MCTP1: variants seen among roughly 807,000 people sequenced by gnomAD.
MCTP1 encodes multiple C2 and transmembrane domain-containing protein 1.
MCTP1 carries 69 observed loss-of-function variants against 120.6 expected under a neutral mutation model. The observed-to-expected ratio is 0.57, with a 90% CI of 0.47 to 0.70. MCTP1 has a LOEUF of 0.70. MCTP1 is among the 30% of genes least tolerant of loss of function. The probability of loss-of-function intolerance (pLI) is 0.00; values close to 1 mark genes in which losing one functional copy is unlikely to be tolerated. For missense variants in MCTP1, 1,203 were observed against 1,248.8 expected (o/e 0.96, Z 0.55); for synonymous variants, 529 against 493.1 (o/e 1.07, Z -0.96).
At chr5:95,068,399 G>C (rs1483935329) in intron 1 of MCTP1, among the ~76,000 whole-genome samples, 1 of 152,112 alleles carries the variant, frequency 6.6e-6, no homozygotes, top group Non-Finnish European at 1.5e-5. Context: ...AGTAAACATA[G>C]GAATCTGATC....
intron 10 of MCTP1, 46 bp from the exon 11 acceptor site, chr5:94,894,881 TTG>T: frequency 7.7e-7 from 1 of 1,298,438 alleles, no homozygotes; most frequent in Non-Finnish European, 1.1e-6. Flanking sequence ...TTTTTTTTTT[TTG>T]CCATATCAAA....
chr5:95,076,397 A>G (rs1366380860), intron 1 of MCTP1, among the ~76,000 whole-genome samples: 1 of 152,180 alleles, frequency 6.6e-6, no homozygotes, highest in Middle Eastern at 3.4e-3. Flanking sequence ...TAAACTTAGA[A>G]GTAATTGTTT....
intron 1 of MCTP1, among the ~76,000 whole-genome samples, chr5:95,114,951 G>C (rs1006584608): frequency 1.2e-4 from 19 of 152,224 alleles, no homozygotes; most frequent in Admixed American, 1.2e-3. Context: ...ACTGTTTGGA[G>C]AAAGTAAGGA....
At chr5:94,872,746 C>T (rs759414821) in intron 13 of MCTP1, among the ~76,000 whole-genome samples, 3 of 152,006 alleles carry the variant, frequency 2.0e-5, no homozygotes, top group East Asian at 3.9e-4. Context: ...CTGCCGAATT[C>T]GAGACTGGAT....
intron 18 of MCTP1, chr5:94,793,589 G>T (rs1779416734): frequency 1.3e-5 from 2 of 152,234 alleles, no homozygotes; most frequent in Admixed American, 6.5e-5. Context: ...GGTCTATGCT[G>T]CTTTCAGTGA....
chr5:94,974,439 C>T (rs888183941), intron 2 of MCTP1, among the ~76,000 whole-genome samples: 11 of 152,028 alleles, frequency 7.2e-5, no homozygotes, highest in African/African-American at 2.7e-4. Context: ...GTCCCAGTTA[C>T]TTGGGACACT....
intron 18 of MCTP1, among the ~76,000 whole-genome samples, chr5:94,797,461 T>C (rs927738930): frequency 1.3e-5 from 2 of 152,206 alleles, no homozygotes; most frequent in Non-Finnish European, 2.9e-5. Flanking sequence ...AAGAGTCCTA[T>C]TTTCTTCCAG....
In MCTP1 at chr5:94,704,321, G is replaced by T. The variant is rs1318203011; in HGVS notation, c.*3175C>A. ...AGTATAATGGTAGCTGTCTTTACTTGTATTTCTGGAGCAAAAAGGTATAAC... is the reference window on the plus strand; with the variant it reads ...AGTATAATGGTAGCTGTCTTTACTTTTATTTCTGGAGCAAAAAGGTATAAC... On this transcript the variant is annotated 3_prime_UTR_variant, in exon 23 of 23. Transcript: ENST00000515393. The T allele has an allele frequency of 6.6e-6, 1 of 151,490 alleles. No individual in the cohort carries two copies. Among genetic ancestry groups the T allele is most frequent in the Non-Finnish European group, 1.5e-5 (1 of 67,644 alleles). 9.4% of individuals were successfully genotyped at this position (151,490 alleles called of 1,614,324 possible). A position where few individuals can be genotyped will look rare whatever the true frequency, so the allele number is the denominator to read the frequency against.
chr5:95,107,152 A>T (rs947446759), intron 1 of MCTP1, among the ~76,000 whole-genome samples: 1 of 152,234 alleles, frequency 6.6e-6, no homozygotes, highest in Non-Finnish European at 1.5e-5. Context: ...ATAATTTAGG[A>T]GTTCATTTAA....
Position 95,281,516 on chromosome 5 carries a change from G to A in MCTP1, c.720+2340C>T, listed in dbSNP as rs374523059. On this transcript the variant is annotated intron_variant, in intron 1 of 22. Transcript: ENST00000515393. Reference sequence around the variant, plus strand: ...CACTTCCCAGAGAACAAGGCCCCATGAGCAGCAGACGCTAGGGACCAAAAA... The same window carrying A: ...CACTTCCCAGAGAACAAGGCCCCATAAGCAGCAGACGCTAGGGACCAAAAA... Among the ~76,000 whole-genome samples, 34 of 152,328 alleles carry A rather than the reference G, an allele frequency of 2.2e-4. No individual in the cohort carries two copies. The South Asian group carries it at 6.6e-3, about 30-fold the overall frequency.
intron 11 of MCTP1, among the ~76,000 whole-genome samples, chr5:94,891,709 G>A (rs776580642): frequency 1.3e-5 from 2 of 151,104 alleles, no homozygotes; most frequent in East Asian, 1.9e-4. Context: ...AAATTTCAAC[G>A]GTTTAGGCCA....
intron 1 of MCTP1, among the ~76,000 whole-genome samples, chr5:95,240,319 G>A (rs1756024657): frequency 1.3e-5 from 2 of 152,194 alleles, no homozygotes; most frequent in Admixed American, 6.5e-5. Flanking sequence ...TTAAGTTTGA[G>A]AATCATGCCT....
rs115933014 is a variant in MCTP1, at chr5:95,132,483, A to T, written c.721-114999T>A. On this transcript the variant is annotated intron_variant, in intron 1 of 22. Coordinates refer to ENST00000515393, the MANE Select transcript of MCTP1 (RefSeq NM_024717.7). ...AGAAAACCTGGAAAATGCATAAAAC[A>T]ACAGAGAAGTATTCCGATAGAATTC... Among the ~76,000 whole-genome samples the T allele has an allele frequency of 2.6e-3, 403 of 152,370 alleles. 2 individuals are homozygous for T. The highest frequency in any genetic ancestry group is 9.3e-3 in the African/African-American group (387 of 41,594).
rs760679119 is a variant in MCTP1, at chr5:94,942,332, G to A, written c.1061+16C>T. On this transcript the variant is annotated intron_variant, in intron 4 of 22. Transcript: ENST00000515393. ...CATGACAAGGGGTGGTGATATTACA[G>A]CAGTTCAAAAGTTACCTGTTTAACT... is the stretch of plus-strand genomic sequence containing the variant. 1 of 1,597,264 alleles carries A rather than the reference G, an allele frequency of 6.3e-7. No homozygotes were observed. Among genetic ancestry groups the A allele is most frequent in the Admixed American group, 1.7e-5 (1 of 59,742 alleles).
chr5:94,873,257 G>C lies in MCTP1; in HGVS notation c.1934-16C>G, dbSNP rs1232491878. On this transcript the variant is annotated splice_polypyrimidine_tract_variant and intron_variant, in intron 12 of 22. Transcript: ENST00000515393. The stretch of plus-strand genomic sequence containing the variant: ...TCACTTTTTCCTACAAGAGATTTTT[G>C]GTAAATATTTTTAGTGTACATAGCA... The C allele has an allele frequency of 2.7e-6, 4 of 1,492,544 alleles. No homozygotes were observed. In the East Asian group the frequency reaches 9.1e-5, roughly 34 times the overall value. The allele number at this position is 1,492,544 out of a possible 1,614,324, so 92.5% of individuals were successfully genotyped here.
At chr5:95,134,419 AAAC>A in intron 1 of MCTP1, among the ~76,000 whole-genome samples, 1 of 152,366 alleles carries the variant, frequency 6.6e-6, no homozygotes, top group Middle Eastern at 3.4e-3. Context: ...TAGTGGTTTA[AAAC>A]AACAATCACC....
At chr5:94,891,771 TAAATA>T (rs1372486572) in intron 11 of MCTP1, among the ~76,000 whole-genome samples, 1 of 151,176 alleles carries the variant, frequency 6.6e-6, no homozygotes, top group Non-Finnish European at 1.5e-5. Flanking sequence ...AATAAATAAA[TAAATA>T]AATAAATAAA....
intron 1 of MCTP1, among the ~76,000 whole-genome samples, chr5:95,187,888 A>T (rs1454387894): frequency 2.6e-5 from 4 of 152,232 alleles, no homozygotes; most frequent in African/African-American, 9.6e-5. Context: ...ATTGCTTCTA[A>T]CATAAAGGAT....
intron 16 of MCTP1, 51 bp downstream of exon 16, chr5:94,870,366 A>G: frequency 8.2e-7 from 1 of 1,222,160 alleles, no homozygotes; most frequent in Non-Finnish European, 1.2e-6. Flanking sequence ...TAGATGTTTT[A>G]CAGATATAAT....
Sources: allele counts gnomAD v4.1 joint callset (sites outside exome capture counted in the v4.1 genomes callset), GRCh38; gene constraint gnomAD v4.1.1; transcripts MANE v1.5; gene names NCBI Gene and HGNC (gene_info 2026-07-23, HGNC 2026-07-21).